NALF1: variants seen among roughly 807,000 people sequenced by gnomAD.
NALF1 encodes the protein family with sequence similarity 155 member A.
A neutral mutation model predicts 48.4 loss-of-function variants in NALF1; 3 were observed. The ratio of observed to expected loss-of-function variants is 0.06; its 90% CI spans 0.03 to 0.16. The LOEUF (loss-of-function observed/expected upper bound fraction) is 0.16. Among genes scored for constraint, NALF1 ranks in the 10% least tolerant of loss-of-function variants. NALF1 has a pLI of 1.00. For missense variants in NALF1, 526 were observed against 571.5 expected (o/e 0.92, Z 0.81); for synonymous variants, 262 against 245.7 (o/e 1.07, Z -0.62).
Position 107,866,366 on chromosome 13 carries a change from C to A in NALF1, c.231G>T (p.Arg77=). 6.4e-7 allele frequency: 1 copy of A among 1,570,102 alleles called. No individual in the cohort carries two copies. Among genetic ancestry groups the A allele is most frequent in the Non-Finnish European group, 8.7e-7 (1 of 1,143,638 alleles). ...ARDKEHQQQQ[R]QQQQQQQQQR... ...GCTGCTGCTGCTGCTGCTGCTGCTG[C>A]CGCTGCTGCTGCTGGTGCTCCTTGT... The change falls in exon 1 of 3, where the codon CGG becomes CGT. Residue 77 remains arginine, a synonymous_variant. Transcript: ENST00000375915. This position sits in a 1 kb window ranked among gnomAD's most constrained non-coding sequence, Gnocchi z 4.4.
At chr13:107,339,752 G>A (rs963785141) in intron 1 of NALF1, among the ~76,000 whole-genome samples, 18 of 151,934 alleles carry the variant, frequency 1.2e-4, no homozygotes, top group Non-Finnish European at 2.2e-4. Flanking sequence ...CTCCATTAAG[G>A]CAAACACCAA....
At chr13:107,261,473 T>C (rs747935493) in intron 1 of NALF1, among the ~76,000 whole-genome samples, 1 of 152,156 alleles carries the variant, frequency 6.6e-6, no homozygotes, top group Non-Finnish European at 1.5e-5. Context: ...CTCATGTACT[T>C]TGGGAGAAGC....
At chr13:107,368,997 T>C (rs574725685) in intron 1 of NALF1, among the ~76,000 whole-genome samples, 1 of 152,348 alleles carries the variant, frequency 6.6e-6, no homozygotes, top group East Asian at 1.9e-4. Flanking sequence ...TCTATTCCCT[T>C]TACACGAAAT....
chr13:107,504,444 A>C (rs189095955), intron 1 of NALF1, among the ~76,000 whole-genome samples: 1 of 152,290 alleles, frequency 6.6e-6, no homozygotes, highest in African/African-American at 2.4e-5. Context: ...CACAAAAAGT[A>C]GCTATGCGAG....
intron 1 of NALF1, among the ~76,000 whole-genome samples, chr13:107,504,554 A>T (rs1875635828): frequency 6.6e-6 from 1 of 152,206 alleles, no homozygotes; most frequent in Non-Finnish European, 1.5e-5. Context: ...AATAAAATTT[A>T]TTAAAAACTC....
At chr13:107,385,467 C>T (rs547422524) in intron 1 of NALF1, among the ~76,000 whole-genome samples, 52 of 148,602 alleles carry the variant, frequency 3.5e-4, no homozygotes, top group African/African-American at 1.2e-3. Flanking sequence ...GCAGGAGAAT[C>T]ACTTGAACCC....
intron 1 of NALF1, among the ~76,000 whole-genome samples, chr13:107,615,632 T>C (rs1879359481): frequency 6.6e-6 from 1 of 152,186 alleles, no homozygotes; most frequent in South Asian, 2.1e-4. Flanking sequence ...TTCATTAACA[T>C]TGTGTACACA....
intron 1 of NALF1, among the ~76,000 whole-genome samples, chr13:107,443,536 T>G (rs1336579740): frequency 6.6e-6 from 1 of 152,160 alleles, no homozygotes; most frequent in Non-Finnish European, 1.5e-5. Context: ...TATTTAAATG[T>G]TAATGTTTAT....
At chr13:107,226,641 T>C (rs1253171846) in intron 1 of NALF1, among the ~76,000 whole-genome samples, 1 of 152,222 alleles carries the variant, frequency 6.6e-6, no homozygotes, top group Non-Finnish European at 1.5e-5. Context: ...GCAATATAAA[T>C]GATCATAGTG....
chr13:107,825,184 G>GT (rs1211564242), intron 1 of NALF1, among the ~76,000 whole-genome samples: 3 of 152,056 alleles, frequency 2.0e-5, no homozygotes, highest in South Asian at 2.1e-4. Context: ...CTTTGGCTTT[G>GT]TTTTTTTTAT....
chr13:107,478,161 T>C (rs1396472792), intron 1 of NALF1, among the ~76,000 whole-genome samples: 1 of 152,162 alleles, frequency 6.6e-6, no homozygotes, highest in East Asian at 1.9e-4. Flanking sequence ...CTGTATAACT[T>C]TTCTGGTGCA....
chr13:107,612,490 T>G (rs1013557558), intron 1 of NALF1, among the ~76,000 whole-genome samples: 1 of 152,108 alleles, frequency 6.6e-6, no homozygotes, highest in African/African-American at 2.4e-5. Flanking sequence ...GTGTCTACGC[T>G]AGTGTTTCTG....
At chr13:107,310,853 G>T (rs1434084334) in intron 1 of NALF1, among the ~76,000 whole-genome samples, 2 of 152,044 alleles carry the variant, frequency 1.3e-5, no homozygotes, top group Non-Finnish European at 2.9e-5. Flanking sequence ...AAGAGATGGG[G>T]TTTCACCATG....
chr13:107,855,231 T>C (rs556549401), intron 1 of NALF1, among the ~76,000 whole-genome samples: 2 of 152,302 alleles, frequency 1.3e-5, no homozygotes, highest in South Asian at 2.1e-4. Context: ...TCAAGGCCTC[T>C]CTGACTCTTA....
At chr13:107,638,596 T>G (rs766801784) in intron 1 of NALF1, among the ~76,000 whole-genome samples, 6 of 152,056 alleles carry the variant, frequency 3.9e-5, no homozygotes, top group Non-Finnish European at 8.8e-5. Context: ...TAAGACAGTT[T>G]CAGAGAGTGA....
rs1882736963 is a variant in NALF1, at chr13:107,344,380, A to G, written c.916-133625T>C. Among the ~76,000 whole-genome samples the G allele has an allele frequency of 2.6e-5, 4 of 152,298 alleles. No homozygotes were observed. The South Asian group carries it at 8.3e-4, about 32-fold the overall frequency. ...ATACAAAAGCCAGACAACGATACTA[A>G]CAGAAAAGAAAATTACAGGACAATA... On this transcript the variant is annotated intron_variant, in intron 1 of 2. Transcript: ENST00000375915.
chr13:107,306,951 T>C (rs1347016384), intron 1 of NALF1, among the ~76,000 whole-genome samples: 2 of 152,116 alleles, frequency 1.3e-5, no homozygotes, highest in African/African-American at 4.8e-5. Flanking sequence ...GAGTGAGAGC[T>C]TGTCTCAAAA....
At chr13:107,583,881 T>G (rs2138412430) in intron 1 of NALF1, among the ~76,000 whole-genome samples, 1 of 152,276 alleles carries the variant, frequency 6.6e-6, no homozygotes, top group African/African-American at 2.4e-5. Flanking sequence ...TGTTTCTCTC[T>G]TTTCCTCATT....
chr13:107,694,675 T>G (rs755488251), intron 1 of NALF1, among the ~76,000 whole-genome samples: 2 of 152,190 alleles, frequency 1.3e-5, no homozygotes, highest in Non-Finnish European at 2.9e-5. Context: ...TTTATCAAAA[T>G]AGTCCTGATT....
Sources: gnomAD v4.1 joint callset for allele counts (sites outside exome capture counted in the v4.1 genomes callset) on GRCh38, gnomAD v4.1.1 for gene constraint, Gnocchi (gnomAD v3.1) non-coding constraint, MANE v1.5 for transcripts, NCBI Gene and HGNC (gene_info 2026-07-23, HGNC 2026-07-21) for gene names.